Variants in SUSD1 observed in about 807,000 individuals in gnomAD.
The protein encoded by SUSD1 is sushi domain-containing protein 1.
A neutral mutation model predicts 86.9 loss-of-function variants in SUSD1; 65 were observed. That is an observed-to-expected ratio of 0.75 (90% CI 0.61 to 0.92). The LOEUF (loss-of-function observed/expected upper bound fraction) is 0.92. Among genes scored for constraint, SUSD1 ranks in the 40% least tolerant of loss-of-function variants. The probability of loss-of-function intolerance (pLI) is 0.00; values close to 1 mark genes in which losing one functional copy is unlikely to be tolerated. For synonymous variants in SUSD1, 346 were observed against 350.0 expected (o/e 0.99, Z 0.13); for missense variants, 850 against 929.7 (o/e 0.91, Z 1.11).
chr9:112,145,239 A>T (rs1832757687), intron 3 of SUSD1, among the ~76,000 whole-genome samples: 2 of 149,452 alleles, frequency 1.3e-5, no homozygotes, highest in African/African-American at 5.0e-5. Context: ...TCTGTTTTTT[A>T]AAAAAAAAAT....
At chr9:112,124,475 G>T in intron 5 of SUSD1, 39 bp from the exon 6 acceptor site, 1 of 1,566,568 alleles carries the variant, frequency 6.4e-7, no homozygotes, top group Non-Finnish European at 8.7e-7. Flanking sequence ...TATAAGCCCT[G>T]ACTTCCAGCC....
chr9:112,124,198 C>T (rs1438367311), intron 6 of SUSD1, 59 bp downstream of exon 6: 19 of 1,535,966 alleles, frequency 1.2e-5, no homozygotes, highest in Admixed American at 3.7e-5. Context: ...GTTTTAGGCC[C>T]TCGGCTCCCA....
At chr9:112,085,202 A>C (rs558683111) in intron 10 of SUSD1, among the ~76,000 whole-genome samples, 1 of 152,382 alleles carries the variant, frequency 6.6e-6, no homozygotes, top group African/African-American at 2.4e-5. Flanking sequence ...GTGGAATATA[A>C]GTACTCTGAG....
chr9:112,110,511 C>T (rs1003920520), intron 8 of SUSD1, among the ~76,000 whole-genome samples: 2 of 151,752 alleles, frequency 1.3e-5, no homozygotes, highest in East Asian at 2.0e-4. Flanking sequence ...CTCAGCCACC[C>T]GAGTAACTGG....
chr9:112,059,205 C>T (rs1828597777), intron 13 of SUSD1, among the ~76,000 whole-genome samples: 1 of 152,184 alleles, frequency 6.6e-6, no homozygotes, highest in Admixed American at 6.5e-5. Context: ...CAGTTTGAAC[C>T]TAAAGGGTTA....
At chr9:112,174,517 G>A (rs1834181675) in intron 1 of SUSD1, among the ~76,000 whole-genome samples, 1 of 152,192 alleles carries the variant, frequency 6.6e-6, no homozygotes, top group Non-Finnish European at 1.5e-5. Flanking sequence ...AAATCCTCCA[G>A]ACAATGAGCT....
intron 12 of SUSD1, among the ~76,000 whole-genome samples, chr9:112,066,088 G>A (rs1006468522): frequency 6.6e-6 from 1 of 152,228 alleles, no homozygotes; most frequent in Non-Finnish European, 1.5e-5. Flanking sequence ...GCCGAGCCAA[G>A]TGTGGAACTC....
chr9:112,078,854 C>T, intron 11 of SUSD1, 130 bp from the exon 12 acceptor site: 1 of 740,702 alleles, frequency 1.4e-6, no homozygotes, highest in Non-Finnish European at 2.1e-6. Context: ...CACTCTGTCA[C>T]CCATGCTGGA....
At chr9:112,161,720 G>T (rs1025011762) in intron 1 of SUSD1, among the ~76,000 whole-genome samples, 1 of 151,708 alleles carries the variant, frequency 6.6e-6, no homozygotes, top group Non-Finnish European at 1.5e-5. Context: ...TACTCAGGAG[G>T]CTGAAGCAGG....
At chr9:112,093,485 C>T (rs987351873) in intron 10 of SUSD1, among the ~76,000 whole-genome samples, 5 of 152,198 alleles carry the variant, frequency 3.3e-5, no homozygotes, top group African/African-American at 9.7e-5. Context: ...ACAGACCCAA[C>T]TGCCCATATT....
chr9:112,142,599 C>A lies in SUSD1; in HGVS notation c.527-100G>T, dbSNP rs913430874. The A allele has an allele frequency of 2.6e-5, 28 of 1,090,464 alleles. No individual in the cohort carries two copies. The East Asian group carries it at 3.3e-4, about 13-fold the overall frequency. 67.5% of individuals were successfully genotyped at this position (1,090,464 alleles called of 1,614,324 possible). A position where few individuals can be genotyped will look rare whatever the true frequency, so the allele number is the denominator to read the frequency against. On this transcript the variant is annotated intron_variant, in intron 4 of 16. Coordinates refer to ENST00000374270, the MANE Select transcript of SUSD1 (RefSeq NM_022486.5). ...TACCCTATTCCTCACACACACACAC[C>A]CCCGAGCCATATTTTAAGTACACTG...
rs577079262 is a variant in SUSD1, at chr9:112,078,884, G to T, written c.1567-160C>A. Among the ~76,000 whole-genome samples, 217 of 146,856 alleles carry T rather than the reference G, an allele frequency of 1.5e-3. 1 individual carries two copies. The highest frequency in any genetic ancestry group is 3.5e-3 in the Middle Eastern group (1 of 282). On this transcript the variant is annotated intron_variant, in intron 11 of 16. Transcript: ENST00000374270. ...GCTGGAGTGCAGTGGCATGACCTCG[G>T]CTCACTGCAGCCTCAACCTCCCAGG...
chr9:112,106,943 CA>C (rs1004593973), intron 8 of SUSD1, among the ~76,000 whole-genome samples: 5 of 151,000 alleles, frequency 3.3e-5, no homozygotes, highest in Non-Finnish European at 7.4e-5. Context: ...AAAAAGAAAA[CA>C]AAAGACACAG....
intron 14 of SUSD1, among the ~76,000 whole-genome samples, chr9:112,053,899 T>A (rs1171104343): frequency 6.6e-6 from 1 of 152,126 alleles, no homozygotes; most frequent in Non-Finnish European, 1.5e-5. Flanking sequence ...GATGACAAAG[T>A]CTGAGCAGTG....
At chr9:112,050,648 G>A (rs1231575895) in intron 15 of SUSD1, among the ~76,000 whole-genome samples, 1 of 152,142 alleles carries the variant, frequency 6.6e-6, no homozygotes, top group Non-Finnish European at 1.5e-5. Context: ...TGGGCTAAGG[G>A]CAGAACTTGA....
At chr9:112,131,268 G>T (rs914179992) in intron 5 of SUSD1, among the ~76,000 whole-genome samples, 8 of 152,180 alleles carry the variant, frequency 5.3e-5, no homozygotes, top group African/African-American at 1.9e-4. Flanking sequence ...AATCTTACAG[G>T]TTAGCTAAAA....
intron 1 of SUSD1, among the ~76,000 whole-genome samples, chr9:112,166,188 T>C (rs1232685146): frequency 6.6e-6 from 1 of 152,182 alleles, no homozygotes; most frequent in Non-Finnish European, 1.5e-5. Flanking sequence ...TATTCAGCCG[T>C]GATTAGCCTA....
intron 1 of SUSD1, among the ~76,000 whole-genome samples, chr9:112,160,673 C>A (rs1377205273): frequency 6.6e-6 from 1 of 152,068 alleles, no homozygotes; most frequent in Non-Finnish European, 1.5e-5. Context: ...CATGATGAGA[C>A]CTCATCTCTG....
chr9:112,132,457 G>A (rs1348626907), intron 5 of SUSD1, among the ~76,000 whole-genome samples: 1 of 152,156 alleles, frequency 6.6e-6, no homozygotes, highest in African/African-American at 2.4e-5. Flanking sequence ...TCACATTCGA[G>A]TCAGTTTTCA....
Sources: allele counts gnomAD v4.1 joint callset (sites outside exome capture counted in the v4.1 genomes callset), GRCh38; gene constraint gnomAD v4.1.1; transcripts MANE v1.5; gene names NCBI Gene and HGNC (gene_info 2026-07-23, HGNC 2026-07-21).